The following ZNF496 variants were observed in gnomAD, a reference collection of about 807,000 sequenced individuals.
ZNF496 encodes zinc finger protein 496.
In ZNF496, 11 loss-of-function variants were observed where a neutral mutation model predicts 58.9. That is an observed-to-expected ratio of 0.19 (90% CI 0.12 to 0.31). The LOEUF (loss-of-function observed/expected upper bound fraction) is 0.31. Among genes scored for constraint, ZNF496 ranks in the 10% least tolerant of loss-of-function variants. The probability of loss-of-function intolerance (pLI) is 1.00; values close to 1 mark genes in which losing one functional copy is unlikely to be tolerated. For missense variants in ZNF496, 660 were observed against 783.0 expected (o/e 0.84, Z 1.88); for synonymous variants, 338 against 318.2 (o/e 1.06, Z -0.66).
In ZNF496 at chr1:247,301,103, C is replaced by T. The variant is rs748252152; in HGVS notation, c.1180G>A (p.Glu394Lys). 6 of 1,613,798 alleles carry T rather than the reference C, an allele frequency of 3.7e-6. No homozygotes were observed. The highest frequency in any genetic ancestry group is 1.7e-6 in the Non-Finnish European group (2 of 1,180,028). ...SLPASHRSST[E>K]AGGEVQTSKK... ...GAGGTCTGCACCTCGCCTCCGGCCTCGGTGCTGCTCCGGTGGGAGGCGGGG... is the reference window on the plus strand; with the variant it reads ...GAGGTCTGCACCTCGCCTCCGGCCTTGGTGCTGCTCCGGTGGGAGGCGGGG... The change falls in exon 10 of 10, where the codon GAG (glutamate) becomes AAG (lysine). Residue 394 changes from glutamate (E) to lysine (K), a missense_variant. Glu to Lys is a moderately conservative substitution (Grantham distance 56). Coordinates refer to ENST00000682384, the MANE Select transcript of ZNF496 (RefSeq NM_032752.3).
In ZNF496 at chr1:247,329,453, C is replaced by T; in HGVS notation, c.126G>A (p.Arg42=). The change falls in exon 4 of 10, where the codon CGG becomes CGA. Residue 42 remains arginine, a synonymous_variant. Coordinates refer to ENST00000682384, the MANE Select transcript of ZNF496 (RefSeq NM_032752.3). This position sits in a 1 kb window ranked among gnomAD's most constrained non-coding sequence, Gnocchi z 5.5. ...GGTAGCGGAAACGGCGGAAGAGACG[C>T]CGAGAGGACTCGGGGCTGGGAAGCT... is the stretch of plus-strand genomic sequence containing the variant. ...QGELPSPESS[R]RLFRRFRYQE... 6.2e-7 allele frequency: 1 copy of T among 1,612,400 alleles called. No individual in the cohort carries two copies. The highest frequency in any genetic ancestry group is 8.5e-7 in the Non-Finnish European group (1 of 1,179,362).
chr1:247,300,537 C>T lies in ZNF496; in HGVS notation c.1746G>A (p.Gln582=), dbSNP rs1386898458. 5 of 1,608,468 alleles carry T rather than the reference C, an allele frequency of 3.1e-6. No individual in the cohort carries two copies. The African/African-American group carries it at 6.7e-5, about 21-fold the overall frequency. Residue 582 remains glutamine, a synonymous_variant, in exon 10 of 10, where the codon CAG becomes CAA. Transcript: ENST00000682384. The surrounding 1 kb of genome is among the most constrained non-coding windows in gnomAD (Gnocchi z 5.7). ...GAGAGGCTCAGTAGGAGTTCAGAGC[C>T]TGCTTGGAACGGCGCTTCATGTGCA... The part of the protein sequence containing the change: ...ERLHMKRRSK[Q]ALNSY
At chr1:247,301,884 G>A (rs1361626132) in intron 9 of ZNF496, among the ~76,000 whole-genome samples, 1 of 152,174 alleles carries the variant, frequency 6.6e-6, no homozygotes, top group Non-Finnish European at 1.5e-5. Context: ...AGCCTTGCTA[G>A]GCTGCTCAAC....
chr1:247,321,347 T>G (rs900897493), intron 6 of ZNF496, among the ~76,000 whole-genome samples: 1 of 152,144 alleles, frequency 6.6e-6, no homozygotes, highest in Non-Finnish European at 1.5e-5. Context: ...AGCATGGAGG[T>G]TGCCAGGGGC....
In ZNF496 at chr1:247,309,278, G is replaced by C. The variant is rs1360126157; in HGVS notation, c.892+421C>G. On this transcript the variant is annotated intron_variant, in intron 8 of 9. Coordinates refer to ENST00000682384, the MANE Select transcript of ZNF496 (RefSeq NM_032752.3). The surrounding 1 kb of genome is among the most constrained non-coding windows in gnomAD (Gnocchi z 4.3). ...ACCCCAGTGTCCTCACAGCACCCCT[G>C]TACCAGGCAGATGGGAAGACTAGAC... 2.7e-5 allele frequency: 17 copies of C among 627,106 alleles called. No homozygotes were observed. The highest frequency in any genetic ancestry group is 3.3e-5 in the Non-Finnish European group (16 of 490,704). 38.8% of individuals were successfully genotyped at this position (627,106 alleles called of 1,614,324 possible). A position where few individuals can be genotyped will look rare whatever the true frequency, so the allele number is the denominator to read the frequency against.
chr1:247,301,358 C>T (rs551811074), intron 9 of ZNF496, 82 bp from the exon 10 acceptor site: 2 of 1,463,074 alleles, frequency 1.4e-6, no homozygotes, highest in East Asian at 2.3e-5. Context: ...GAACACTCAG[C>T]TTGGAGTTTA....
At chr1:247,307,809 G>A (rs1659464464) in intron 9 of ZNF496, 1 of 985,284 alleles carries the variant, frequency 1.0e-6, no homozygotes, top group Non-Finnish European at 1.2e-6. Context: ...TCAGAGGCTT[G>A]GGTTTTGTAT....
In ZNF496 at chr1:247,329,705, C is replaced by CA; in HGVS notation, c.-37-91dup. 1 of 1,239,082 alleles carries CA rather than the reference C, an allele frequency of 8.1e-7. No homozygotes were observed. Among genetic ancestry groups the CA allele is most frequent in the Non-Finnish European group, 1.1e-6 (1 of 902,804 alleles). 76.8% of individuals were successfully genotyped at this position (1,239,082 alleles called of 1,614,324 possible). A position where few individuals can be genotyped will look rare whatever the true frequency, so the allele number is the denominator to read the frequency against. On this transcript the variant is annotated intron_variant, in intron 3 of 9. Transcript: ENST00000682384. This position sits in a 1 kb window ranked among gnomAD's most constrained non-coding sequence, Gnocchi z 5.5. ...GTGACAAGGAAACTGTCAATGCCCTCAGAGACCAGCCCTTTGGAGAAGCCC... is the reference window on the plus strand; with the variant it reads ...GTGACAAGGAAACTGTCAATGCCCTCAAGAGACCAGCCCTTTGGAGAAGCCC...
At position 247,329,132 on chromosome 1, in the gene ZNF496, G is replaced by C. The variant is rs1660234390; in HGVS notation, c.390+57C>G. 1 of 1,610,892 alleles carries C rather than the reference G, an allele frequency of 6.2e-7. No homozygotes were observed. The highest frequency in any genetic ancestry group is 8.5e-7 in the Non-Finnish European group (1 of 1,178,728). ...CCCCAGCCAGCACATGCATGGCCCA[G>C]CCAAAGTGTCTAAGTACCAGATCTC... On this transcript the variant is annotated intron_variant, in intron 4 of 9. Coordinates refer to ENST00000682384, the MANE Select transcript of ZNF496 (RefSeq NM_032752.3). The surrounding 1 kb of genome is among the most constrained non-coding windows in gnomAD (Gnocchi z 5.5).
At position 247,309,420 on chromosome 1, in the gene ZNF496, C is replaced by T. The variant is rs1659521627; in HGVS notation, c.892+279G>A. 10 of 1,273,702 alleles carry T rather than the reference C, an allele frequency of 7.9e-6. No homozygotes were observed. In the African/African-American group the frequency reaches 1.4e-4, roughly 17 times the overall value. 78.9% of individuals were successfully genotyped at this position (1,273,702 alleles called of 1,614,324 possible). A position where few individuals can be genotyped will look rare whatever the true frequency, so the allele number is the denominator to read the frequency against. ...TGGAGGGGCTGCTGCATTGTCAGCA[C>T]AAACCAGATGTTACTTACAGGCAGA... On this transcript the variant is annotated intron_variant, in intron 8 of 9. Coordinates refer to ENST00000682384, the MANE Select transcript of ZNF496 (RefSeq NM_032752.3). The surrounding 1 kb of genome is among the most constrained non-coding windows in gnomAD (Gnocchi z 4.3).
chr1:247,305,274 G>GA (rs933401973), intron 9 of ZNF496, among the ~76,000 whole-genome samples: 2 of 151,832 alleles, frequency 1.3e-5, no homozygotes, highest in African/African-American at 2.4e-5. Flanking sequence ...GACTCCGTCT[G>GA]AAAAAAAAGA....
intron 7 of ZNF496, 80 bp downstream of exon 7, chr1:247,310,244 C>T (rs535948139): frequency 1.7e-5 from 27 of 1,586,548 alleles, no homozygotes; most frequent in East Asian, 2.2e-5. Context: ...TCCTATGGGA[C>T]GAAGTTGACT....
At chr1:247,313,982 G>C (rs903451390) in intron 6 of ZNF496, 1 of 152,320 alleles carries the variant, frequency 6.6e-6, no homozygotes, top group East Asian at 1.9e-4. Flanking sequence ...GGGGTTAGGT[G>C]TAACAGGGAG....
intron 6 of ZNF496, among the ~76,000 whole-genome samples, chr1:247,321,098 C>T (rs901299930): frequency 6.6e-6 from 1 of 151,998 alleles, no homozygotes; most frequent in Non-Finnish European, 1.5e-5. Flanking sequence ...ATTGCTTGAA[C>T]CCGGGATGCG....
chr1:247,324,531 T>TC (rs1236495911), intron 5 of ZNF496, among the ~76,000 whole-genome samples: 6 of 143,024 alleles, frequency 4.2e-5, no homozygotes, highest in Non-Finnish European at 9.0e-5. Flanking sequence ...TAGCTTGACT[T>TC]TTTTTTTTTT....
In ZNF496 at chr1:247,331,531, G is replaced by A. The variant is rs1660328250; in HGVS notation, c.-253C>T. On this transcript the variant is annotated 5_prime_UTR_variant, in exon 2 of 10. Transcript: ENST00000682384. ...CTCATCCTCCCAGCCCGCCCGGCCG[G>A]GCGTACTCGCTGAGGCGGGGTCTCC... The A allele has an allele frequency of 6.6e-6, 1 of 152,132 alleles. No homozygotes were observed. Among genetic ancestry groups the A allele is most frequent in the South Asian group, 2.1e-4 (1 of 4,840 alleles). The allele number at this position is 152,132 out of a possible 1,614,324, so 9.4% of individuals were successfully genotyped here.
chr1:247,323,237 G>A lies in ZNF496; in HGVS notation c.575-7C>T, dbSNP rs368319997. ...AGGAAAGCATCTTGCAGAACTGAAAGAGATCAGAAAATGGTGTCCTAAAGT... is the reference window on the plus strand; with the variant it reads ...AGGAAAGCATCTTGCAGAACTGAAAAAGATCAGAAAATGGTGTCCTAAAGT... On this transcript the variant is annotated splice_polypyrimidine_tract_variant and splice_region_variant and intron_variant, in intron 5 of 9. Coordinates refer to ENST00000682384, the MANE Select transcript of ZNF496 (RefSeq NM_032752.3). The A allele has an allele frequency of 1.1e-4, 170 of 1,613,534 alleles. 1 individual carries two copies. The South Asian group carries it at 1.7e-3, about 16-fold the overall frequency.
intron 6 of ZNF496, among the ~76,000 whole-genome samples, chr1:247,321,456 A>G (rs765481199): frequency 1.3e-5 from 2 of 152,168 alleles, no homozygotes; most frequent in African/African-American, 2.4e-5. Flanking sequence ...AACAATGTAA[A>G]TATACTTAAC....
intron 9 of ZNF496, among the ~76,000 whole-genome samples, chr1:247,301,638 T>C (rs1282067715): frequency 6.6e-6 from 1 of 152,160 alleles, no homozygotes; most frequent in South Asian, 2.1e-4. Context: ...TTACAGATCA[T>C]GCACTTAACA....
Sources: allele counts gnomAD v4.1 joint callset (sites outside exome capture counted in the v4.1 genomes callset), GRCh38; gene constraint gnomAD v4.1.1; non-coding constraint Gnocchi (gnomAD v3.1); transcripts MANE v1.5; gene names NCBI Gene and HGNC (gene_info 2026-07-23, HGNC 2026-07-21).